The following FADS3 variants were observed in gnomAD, a reference collection of about 807,000 sequenced individuals.
FADS3 encodes the protein cytochrome b5-related protein.
A neutral mutation model predicts 60.4 loss-of-function variants in FADS3; 30 were observed. The observed-to-expected ratio is 0.50, with a 90% CI of 0.37 to 0.67. The LOEUF is 0.67. FADS3 is among the 30% of genes least tolerant of loss of function. The probability of loss-of-function intolerance (pLI) is 0.00; values close to 1 mark genes in which losing one functional copy is unlikely to be tolerated. For synonymous variants in FADS3, 234 were observed against 249.3 expected (o/e 0.94, Z 0.58); for missense variants, 432 against 598.3 (o/e 0.72, Z 2.90).
chr11:61,881,318 G>T (rs1938122585), intron 1 of FADS3: 1 of 152,224 alleles, frequency 6.6e-6, no homozygotes, highest in African/African-American at 2.4e-5. Flanking sequence ...CAGGGAAAGA[G>T]ACCAGCCAGG....
chr11:61,891,786 C>G (rs1938530772), upstream of FADS3: 1 of 152,544 alleles, frequency 6.6e-6, no homozygotes, highest in African/African-American at 2.4e-5. Context: ...CGTCCCGCCC[C>G]CTTTTCCCGG....
chr11:61,883,607 G>A (rs932312623), intron 1 of FADS3, among the ~76,000 whole-genome samples: 2 of 152,134 alleles, frequency 1.3e-5, no homozygotes, highest in African/African-American at 4.8e-5. Context: ...AGACACACCC[G>A]GCGCAACGTG....
chr11:61,878,495 C>G lies in FADS3; in HGVS notation c.747+17G>C, dbSNP rs174453. 0.19 allele frequency: 307,731 copies of G among 1,611,104 alleles called. 34,707 individuals are homozygous for G. The highest frequency in any genetic ancestry group is 0.48 in the Admixed American group (28,471 of 59,876). On this transcript the variant is annotated intron_variant, in intron 5 of 11. Transcript: ENST00000278829. The stretch of plus-strand genomic sequence containing the variant: ...TGCAGGCCCAGCCAGAGGTTGTCCA[C>G]GTCCCTCCCCACCCACCTCGACGGA...
Position 61,877,994 on chromosome 11 carries a change from G to A in FADS3, c.808+161C>T. 4.4e-6 allele frequency: 3 copies of A among 686,784 alleles called. No homozygotes were observed. The highest frequency in any genetic ancestry group is 5.2e-6 in the Non-Finnish European group (2 of 387,114). 42.5% of individuals were successfully genotyped at this position (686,784 alleles called of 1,614,324 possible). On this transcript the variant is annotated intron_variant, in intron 6 of 11. Transcript: ENST00000278829. This position sits in a 1 kb window ranked among gnomAD's most constrained non-coding sequence, Gnocchi z 4.7. ...AGCTGGGGCAAAGGCATGCTGCTGG[G>A]AGAGTGTGTACAGACTGCAGAGGCT...
At chr11:61,874,788 T>C (rs1462904295) in intron 11 of FADS3, among the ~76,000 whole-genome samples, 2 of 152,080 alleles carry the variant, frequency 1.3e-5, no homozygotes, top group East Asian at 3.8e-4. Flanking sequence ...CTACCACCTA[T>C]TTAGAAACTG....
In FADS3 at chr11:61,883,734, C is replaced by T. The variant is rs572245569; in HGVS notation, c.214-3583G>A. ...GATCTTGGGTCCAGATTGGTCTCCT[C>T]GCCTCCTTTCCCGTTGGTCCTGATT... On this transcript the variant is annotated intron_variant, in intron 1 of 11. Transcript: ENST00000278829. 1.2e-4 allele frequency among the ~76,000 whole-genome samples: 18 copies of T among 152,342 alleles called. No homozygotes were observed. The East Asian group carries it at 3.1e-3, about 26-fold the overall frequency.
chr11:61,874,770 T>C (rs1174630940), intron 11 of FADS3, among the ~76,000 whole-genome samples: 1 of 152,180 alleles, frequency 6.6e-6, no homozygotes. Flanking sequence ...CTGTCAATAC[T>C]GCCCACCCTA....
rs1937898686 is a variant in FADS3 at position 61,876,640 on chromosome 11, C to T, written c.984-185G>A. The stretch of plus-strand genomic sequence containing the variant: ...AGCAGTGTCCACTGTGAGGCTGAGT[C>T]CAGAGCAGCTCCGACACCCACCGGG... On this transcript the variant is annotated intron_variant, in intron 8 of 11. Transcript: ENST00000278829. The surrounding 1 kb of genome is among the most constrained non-coding windows in gnomAD (Gnocchi z 5.7). The T allele has an allele frequency of 1.5e-6, 1 of 664,250 alleles. No individual in the cohort carries two copies. Among genetic ancestry groups the T allele is most frequent in the Non-Finnish European group, 2.7e-6 (1 of 374,862 alleles). The allele number at this position is 664,250 out of a possible 1,614,324, so 41.1% of individuals were successfully genotyped here.
intron 5 of FADS3, 57 bp from the exon 6 acceptor site, chr11:61,878,272 G>GT: frequency 6.3e-7 from 1 of 1,576,698 alleles, no homozygotes; most frequent in Non-Finnish European, 8.7e-7. Flanking sequence ...TCCTTCTCCC[G>GT]GGCAAGGTCA....
At chr11:61,875,537 G>A (rs1473405074) in intron 11 of FADS3, among the ~76,000 whole-genome samples, 1 of 152,100 alleles carries the variant, frequency 6.6e-6, no homozygotes, top group East Asian at 1.9e-4. Flanking sequence ...CCGGCCCTGA[G>A]ACATGGCTTC....
intron 5 of FADS3, 146 bp from the exon 6 acceptor site, chr11:61,878,361 G>C: frequency 7.2e-7 from 1 of 1,384,614 alleles, no homozygotes; most frequent in Non-Finnish European, 1.0e-6. Context: ...AGGTTGGGAG[G>C]TGGGAAGGAA....
In FADS3 at chr11:61,890,399, C is replaced by G. The variant is rs563939308; in HGVS notation, c.213+770G>C. 2.6e-5 allele frequency: 4 copies of G among 152,412 alleles called. No individual in the cohort carries two copies. In the South Asian group the frequency reaches 8.3e-4, roughly 32 times the overall value. 9.4% of individuals were successfully genotyped at this position (152,412 alleles called of 1,614,324 possible). On this transcript the variant is annotated intron_variant, in intron 1 of 11. Transcript: ENST00000278829. ...AAGACCTTCCTGATACCCAGTGTGG[C>G]CAACCTAGAAATTTGGAGGGTCAAG...
chr11:61,880,354 T>G, intron 1 of FADS3: 3 of 466,470 alleles, frequency 6.4e-6, no homozygotes, highest in East Asian at 3.6e-5. Flanking sequence ...TTTTCACCCA[T>G]TGCCTGCTGT....
At chr11:61,884,306 T>G (rs937183461) in intron 1 of FADS3, among the ~76,000 whole-genome samples, 1 of 152,012 alleles carries the variant, frequency 6.6e-6, no homozygotes, top group African/African-American at 2.4e-5. Context: ...CGGGGCTTAC[T>G]GGGCGGGTGA....
Position 61,877,890 on chromosome 11 carries a change from A to C in FADS3, c.808+265T>G, listed in dbSNP as rs1937968239. 1 of 592,466 alleles carries C rather than the reference A, an allele frequency of 1.7e-6. No individual in the cohort carries two copies. Among genetic ancestry groups the C allele is most frequent in the Non-Finnish European group, 3.0e-6 (1 of 332,274 alleles). 36.7% of individuals were successfully genotyped at this position (592,466 alleles called of 1,614,324 possible). A position where few individuals can be genotyped will look rare whatever the true frequency, so the allele number is the denominator to read the frequency against. On this transcript the variant is annotated intron_variant, in intron 6 of 11. Coordinates refer to ENST00000278829, the MANE Select transcript of FADS3 (RefSeq NM_021727.5). This position sits in a 1 kb window ranked among gnomAD's most constrained non-coding sequence, Gnocchi z 4.7. ...GACCACTCTAGTGAGGGCAAGAAGA[A>C]ATTCTACGTGGGGCTTGGGGAAGCT...
intron 1 of FADS3, among the ~76,000 whole-genome samples, chr11:61,885,922 T>G (rs1406472894): frequency 6.6e-6 from 1 of 152,020 alleles, no homozygotes; most frequent in Non-Finnish European, 1.5e-5. Context: ...CGTCCCATCC[T>G]CTCCCTGGCG....
chr11:61,878,937 A>G (rs910458703), intron 3 of FADS3, 90 bp from the exon 4 acceptor site: 2 of 1,025,622 alleles, frequency 2.0e-6, no homozygotes, highest in African/African-American at 1.6e-5. Context: ...CTTGCAGGGT[A>G]CCCCCGTGCT....
At chr11:61,878,058 C>T in intron 6 of FADS3, 97 bp downstream of exon 6, 1 of 1,098,496 alleles carries the variant, frequency 9.1e-7, no homozygotes, top group Non-Finnish European at 1.4e-6. Flanking sequence ...ACAGACGTGC[C>T]CCGCCCCAGG....
At chr11:61,875,190 T>C (rs1725913012) in intron 11 of FADS3, among the ~76,000 whole-genome samples, 1 of 152,280 alleles carries the variant, frequency 6.6e-6, no homozygotes, top group African/African-American at 2.4e-5. Flanking sequence ...GTCCCAACTC[T>C]TGGCTGCCTG....
Sources: gnomAD v4.1 joint callset for allele counts (sites outside exome capture counted in the v4.1 genomes callset) on GRCh38, gnomAD v4.1.1 for gene constraint, Gnocchi (gnomAD v3.1) non-coding constraint, MANE v1.5 for transcripts, NCBI Gene and HGNC (gene_info 2026-07-23, HGNC 2026-07-21) for gene names.